The following NFATC2 variants were observed in gnomAD, a reference collection of about 807,000 sequenced individuals.
NFATC2 encodes the protein nuclear factor of activated T-cells, cytoplasmic 2.
A neutral mutation model predicts 87.3 loss-of-function variants in NFATC2; 22 were observed. The ratio of observed to expected loss-of-function variants is 0.25; its 90% CI spans 0.18 to 0.36. NFATC2 has a LOEUF of 0.36. NFATC2 is among the 10% of genes least tolerant of loss of function. The pLI is 1.00. For synonymous variants in NFATC2, 565 were observed against 542.2 expected (o/e 1.04, Z -0.58); for missense variants, 1,149 against 1,259.1 (o/e 0.91, Z 1.32).
At chr20:51,517,050 T>C in intron 2 of NFATC2, 95 bp from the exon 3 acceptor site, 1 of 1,219,158 alleles carries the variant, frequency 8.2e-7, no homozygotes, top group Non-Finnish European at 1.1e-6. Context: ...AAATCATGGA[T>C]ACAGTCATGT....
chr20:51,544,231 C>T (rs1442191642), upstream of NFATC2, among the ~76,000 whole-genome samples: 1 of 151,988 alleles, frequency 6.6e-6, no homozygotes, highest in Non-Finnish European at 1.5e-5. Context: ...TCGTGATCCA[C>T]CCGCCTCGGC....
intron 3 of NFATC2, among the ~76,000 whole-genome samples, chr20:51,506,767 C>T (rs1378218990): frequency 6.6e-6 from 1 of 152,182 alleles, no homozygotes. Flanking sequence ...GCGAAGTGGT[C>T]CCAGGTGTGG....
At chr20:51,427,474 T>C (rs73910838) in intron 9 of NFATC2, among the ~76,000 whole-genome samples, 2,616 of 152,226 alleles carry the variant, frequency 0.017, 79 homozygotes, top group African/African-American at 0.059. Context: ...CGGGGCACAC[T>C]CCCTGTGAAA....
intron 6 of NFATC2, among the ~76,000 whole-genome samples, chr20:51,443,826 C>A (rs963141503): frequency 1.3e-5 from 2 of 152,024 alleles, no homozygotes; most frequent in African/African-American, 4.8e-5. Context: ...GTGAAAACAG[C>A]CCTTCCAAGT....
In NFATC2 at chr20:51,446,823, G is replaced by A. The variant is rs965655803; in HGVS notation, c.1849+7725C>T. On this transcript the variant is annotated intron_variant, in intron 6 of 10. Transcript: ENST00000371564. ...GTGGGTAAGTGATGGGCTCCAGCCC[G>A]GGGGGCCACTGACACCAGGGACATG... Among the ~76,000 whole-genome samples, 9 of 152,200 alleles carry A rather than the reference G, an allele frequency of 5.9e-5. No individual in the cohort carries two copies. The East Asian group carries it at 9.6e-4, about 16-fold the overall frequency.
At position 51,389,766 on chromosome 20, in the gene NFATC2, T is replaced by C. The variant is rs1986126144; in HGVS notation, c.*1730A>G. 1.3e-5 allele frequency: 2 copies of C among 152,178 alleles called. No individual in the cohort carries two copies. Among genetic ancestry groups the C allele is most frequent in the South Asian group, 4.1e-4 (2 of 4,830 alleles). 9.4% of individuals were successfully genotyped at this position (152,178 alleles called of 1,614,324 possible). A position where few individuals can be genotyped will look rare whatever the true frequency, so the allele number is the denominator to read the frequency against. On this transcript the variant is annotated 3_prime_UTR_variant, in exon 11 of 11. Coordinates refer to ENST00000371564, the MANE Select transcript of NFATC2 (RefSeq NM_012340.5). Reference sequence around the variant, plus strand: ...CCTGGCCCCACTCCCAGGAAGCTTTTACCTCTGGGTAACCTTGACGGGAGA... The same window carrying C: ...CCTGGCCCCACTCCCAGGAAGCTTTCACCTCTGGGTAACCTTGACGGGAGA...
intron 9 of NFATC2, among the ~76,000 whole-genome samples, chr20:51,400,714 C>T (rs568871251): frequency 6.6e-6 from 1 of 152,232 alleles, no homozygotes; most frequent in African/African-American, 2.4e-5. Flanking sequence ...AAACACCCTC[C>T]TCCGCAGGTG....
At chr20:51,520,710 G>C (rs1316268919) in intron 2 of NFATC2, among the ~76,000 whole-genome samples, 1 of 151,406 alleles carries the variant, frequency 6.6e-6, no homozygotes, top group Non-Finnish European at 1.5e-5. Context: ...GCCCAGACTG[G>C]AGTGCAATGG....
intron 6 of NFATC2, among the ~76,000 whole-genome samples, chr20:51,443,845 G>A (rs1351898072): frequency 6.6e-6 from 1 of 152,002 alleles, no homozygotes; most frequent in Non-Finnish European, 1.5e-5. Flanking sequence ...GTCTTAGTCA[G>A]AGGGGAAGAG....
intron 1 of NFATC2, among the ~76,000 whole-genome samples, chr20:51,531,463 C>T (rs1473637781): frequency 6.6e-6 from 1 of 152,188 alleles, no homozygotes. Flanking sequence ...AATCTCTGGC[C>T]ACTCCCAAAA....
intron 9 of NFATC2, among the ~76,000 whole-genome samples, chr20:51,416,457 C>T (rs903297445): frequency 6.6e-6 from 1 of 152,158 alleles, no homozygotes; most frequent in African/African-American, 2.4e-5. Flanking sequence ...AGGGGCTGCT[C>T]CCTCAAACAG....
rs978609820 is a variant in NFATC2, at chr20:51,480,457, C to T, written c.1333-4797G>A. Among the ~76,000 whole-genome samples the T allele has an allele frequency of 1.3e-5, 2 of 152,154 alleles. No individual in the cohort carries two copies. The highest frequency in any genetic ancestry group is 2.4e-5 in the African/African-American group (1 of 41,416). ...ACCTCTTTAGGAAAGCCAAGAATGG[C>T]CTCTCTGAGTTGAAGAGCAGCCTCT... On this transcript the variant is annotated intron_variant, in intron 3 of 10. Transcript: ENST00000371564. The surrounding 1 kb of genome is among the most constrained non-coding windows in gnomAD (Gnocchi z 4.2).
chr20:51,391,472 G>C lies in NFATC2; in HGVS notation c.*45-21C>G, dbSNP rs200627667. ...ATTAACTACAAAAGAAAAGAGGAGG[G>C]GGGGGGAGAGAGAATGGGGCAAGTG... is the stretch of plus-strand genomic sequence containing the variant. On this transcript the variant is annotated intron_variant, in intron 10 of 10. Transcript: ENST00000371564. The C allele has an allele frequency of 2.3e-4, 371 of 1,587,062 alleles. 5 individuals carry two copies. The highest frequency in any genetic ancestry group is 5.9e-4 in the Middle Eastern group (3 of 5,116).
At chr20:51,479,723 C>T (rs532327559) in intron 3 of NFATC2, among the ~76,000 whole-genome samples, 61 of 152,318 alleles carry the variant, frequency 4.0e-4, no homozygotes, top group Middle Eastern at 3.4e-3. Flanking sequence ...AACAATTCCA[C>T]GTAAGATGGG....
intron 9 of NFATC2, among the ~76,000 whole-genome samples, chr20:51,407,448 GGACAAATAAAT>G (rs575468278): frequency 2.0e-3 from 304 of 152,332 alleles, no homozygotes; most frequent in African/African-American, 7.0e-3. Context: ...GCGAAAGAAT[GGACAAATAAAT>G]GAACCGACTA....
chr20:51,483,254 G>A lies in NFATC2; in HGVS notation c.1333-7594C>T, dbSNP rs372120799. Among the ~76,000 whole-genome samples, 5 of 152,128 alleles carry A rather than the reference G, an allele frequency of 3.3e-5. No individual in the cohort carries two copies. The East Asian group carries it at 7.7e-4, about 23-fold the overall frequency. On this transcript the variant is annotated intron_variant, in intron 3 of 10. Coordinates refer to ENST00000371564, the MANE Select transcript of NFATC2 (RefSeq NM_012340.5). ...CAGGGCTTTTTAAATACTCTCAGTT[G>A]GACGATTCCAATCCAAAATGTGAGA...
intron 6 of NFATC2, among the ~76,000 whole-genome samples, chr20:51,453,980 C>T (rs1449815420): frequency 6.6e-6 from 1 of 152,194 alleles, no homozygotes; most frequent in Admixed American, 6.5e-5. Flanking sequence ...TAAGCTGATT[C>T]ACTGCAGAAC....
rs1359644536 is a variant in NFATC2 at position 51,432,813 on chromosome 20, C to T, written c.2033-57G>A. 1.5e-5 allele frequency: 21 copies of T among 1,441,474 alleles called. 1 individual carries two copies. The South Asian group carries it at 1.5e-4, about 11-fold the overall frequency. The allele number at this position is 1,441,474 out of a possible 1,614,324, so 89.3% of individuals were successfully genotyped here. On this transcript the variant is annotated intron_variant, in intron 8 of 10. Transcript: ENST00000371564. This position sits in a 1 kb window ranked among gnomAD's most constrained non-coding sequence, Gnocchi z 4.6. ...CATGGCAGTGAGCCACGGATGTGCACGGAGGATTCGTGGATGGTGCTTGAG... is the reference window on the plus strand; with the variant it reads ...CATGGCAGTGAGCCACGGATGTGCATGGAGGATTCGTGGATGGTGCTTGAG...
chr20:51,443,318 T>C (rs1409281813), intron 6 of NFATC2, among the ~76,000 whole-genome samples: 1 of 152,240 alleles, frequency 6.6e-6, no homozygotes, highest in Admixed American at 6.5e-5. Context: ...CATTCTCTGC[T>C]TTATCCTTAG....
Sources: gnomAD v4.1 joint callset for allele counts (sites outside exome capture counted in the v4.1 genomes callset) on GRCh38, gnomAD v4.1.1 for gene constraint, Gnocchi (gnomAD v3.1) non-coding constraint, MANE v1.5 for transcripts, NCBI Gene and HGNC (gene_info 2026-07-23, HGNC 2026-07-21) for gene names.